The following NXN variants were observed in gnomAD, a reference collection of about 807,000 sequenced individuals.
NXN encodes nucleoredoxin 1.
A neutral mutation model predicts 48.6 loss-of-function variants in NXN; 16 were observed. The ratio of observed to expected loss-of-function variants is 0.33; its 90% CI spans 0.22 to 0.50. The LOEUF is 0.50. Among genes scored for constraint, NXN ranks in the 20% least tolerant of loss-of-function variants. NXN has a pLI of 0.98. For synonymous variants in NXN, 281 were observed against 269.6 expected, an observed-to-expected ratio of 1.04 and a Z score of -0.41; for missense variants, 492 against 605.5, an observed-to-expected ratio of 0.81 and a Z score of 1.97.
intron 1 of NXN, among the ~76,000 whole-genome samples, chr17:845,832 C>T (rs1435813457): frequency 2.0e-5 from 3 of 152,158 alleles, no homozygotes; most frequent in East Asian, 1.9e-4. Context: ...TTCGGGAGGC[C>T]GAGGAGGAGG....
Position 801,240 on chromosome 17 carries a change from C to A in NXN, c.1126-109G>T, listed in dbSNP as rs570710. The A allele has an allele frequency of 0.62, 481,714 of 782,936 alleles. 150,430 individuals are homozygous for A. Among genetic ancestry groups the A allele is most frequent in the East Asian group, 0.78 (23,124 of 29,716 alleles). 48.5% of individuals were successfully genotyped at this position (782,936 alleles called of 1,614,324 possible). A position where few individuals can be genotyped will look rare whatever the true frequency, so the allele number is the denominator to read the frequency against. ...TGGTAGCTCCCGCACCCTGAAGAGC[C>A]GGCGTTTCCCAAGCAGAGGGCTCCC... On this transcript the variant is annotated intron_variant, in intron 7 of 7. Coordinates refer to ENST00000336868, the MANE Select transcript of NXN (RefSeq NM_022463.5).
intron 1 of NXN, among the ~76,000 whole-genome samples, chr17:890,661 A>G (rs150538431): frequency 9.2e-5 from 14 of 152,154 alleles, no homozygotes; most frequent in Admixed American, 2.6e-4. Context: ...GATTACAGGC[A>G]TGAGCCACCG....
intron 5 of NXN, among the ~76,000 whole-genome samples, chr17:818,623 C>T (rs1295783892): frequency 2.0e-5 from 3 of 152,200 alleles, no homozygotes; most frequent in Admixed American, 1.3e-4. Context: ...CAGTGGCTCA[C>T]GCCTGTCATC....
chr17:837,784 G>A (rs906919443), intron 1 of NXN, among the ~76,000 whole-genome samples: 1 of 152,208 alleles, frequency 6.6e-6, no homozygotes, highest in Admixed American at 6.5e-5. Flanking sequence ...CAAGGGAAAG[G>A]GGCCGGGGGT....
chr17:946,847 C>A (rs1228421783), intron 1 of NXN, among the ~76,000 whole-genome samples: 1 of 152,196 alleles, frequency 6.6e-6, no homozygotes, highest in African/African-American at 2.4e-5. Context: ...TGAGGCAATG[C>A]CTAGAAGGTG....
rs145372012 is a variant in NXN, at chr17:841,002, C to T, written c.361-14924G>A. Among the ~76,000 whole-genome samples the T allele has an allele frequency of 1.3e-3, 201 of 152,256 alleles. 1 individual carries two copies. In the East Asian group the frequency reaches 0.019, roughly 14 times the overall value. On this transcript the variant is annotated intron_variant, in intron 1 of 7. Coordinates refer to ENST00000336868, the MANE Select transcript of NXN (RefSeq NM_022463.5). The stretch of plus-strand genomic sequence containing the variant: ...GAGGCAGAGTGTAGGGTGAGAGTGC[C>T]GGCACAGGAGCAGATGGCTTGGGTT...
At chr17:904,171 C>G (rs950655133) in intron 1 of NXN, among the ~76,000 whole-genome samples, 2 of 152,218 alleles carry the variant, frequency 1.3e-5, no homozygotes, top group African/African-American at 4.8e-5. Flanking sequence ...GTCGACTGCC[C>G]TAAGAGTTCT....
intron 1 of NXN, among the ~76,000 whole-genome samples, chr17:912,868 C>T (rs1267090159): frequency 6.6e-6 from 1 of 151,924 alleles, no homozygotes; most frequent in Non-Finnish European, 1.5e-5. Context: ...GCAGGAGAAT[C>T]GCTTGAACCC....
At position 855,210 on chromosome 17, in the gene NXN, T is replaced by C. The variant is rs148382784; in HGVS notation, c.361-29132A>G. On this transcript the variant is annotated intron_variant, in intron 1 of 7. Transcript: ENST00000336868. Reference sequence around the variant, plus strand: ...AGGATCACTTGAGCCTAGGAGTTTTTGAGGCTGCAGTGAGCTCTGATCACG... The same window carrying C: ...AGGATCACTTGAGCCTAGGAGTTTTCGAGGCTGCAGTGAGCTCTGATCACG... Among the ~76,000 whole-genome samples the C allele has an allele frequency of 3.3e-5, 5 of 152,238 alleles. No homozygotes were observed. The East Asian group carries it at 9.7e-4, about 29-fold the overall frequency.
intron 1 of NXN, among the ~76,000 whole-genome samples, chr17:973,431 G>GT (rs1464305222): frequency 1.3e-5 from 2 of 152,158 alleles, no homozygotes; most frequent in African/African-American, 4.8e-5. Flanking sequence ...TGCTTTGTGC[G>GT]TAATTTCTCT....
chr17:823,588 C>A (rs747886971), intron 3 of NXN, 44 bp downstream of exon 3: 25 of 1,610,388 alleles, frequency 1.6e-5, no homozygotes, highest in African/African-American at 2.7e-5. Context: ...CTGGGAACAT[C>A]ACTGCTTCCT....
At chr17:939,716 C>G (rs1359434754) in intron 1 of NXN, among the ~76,000 whole-genome samples, 1 of 152,192 alleles carries the variant, frequency 6.6e-6, no homozygotes, top group African/African-American at 2.4e-5. Flanking sequence ...TTGTGTAAGA[C>G]ACACACGTAC....
intron 5 of NXN, among the ~76,000 whole-genome samples, chr17:813,036 TGTGTGAGC>T (rs899391551): frequency 6.8e-4 from 98 of 145,170 alleles, no homozygotes; most frequent in Admixed American, 1.1e-3. Context: ...CGTGTGTGAA[TGTGTGAGC>T]GTGTGTGTGC....
At chr17:970,309 ATC>A (rs2069358687) in intron 1 of NXN, among the ~76,000 whole-genome samples, 1 of 152,024 alleles carries the variant, frequency 6.6e-6, no homozygotes, top group Non-Finnish European at 1.5e-5. Flanking sequence ...TAGTCCTAGG[ATC>A]TCGGCAGGAC....
chr17:805,327 CG>C, intron 5 of NXN, 80 bp from the exon 6 acceptor site: 2 of 1,457,158 alleles, frequency 1.4e-6, no homozygotes, highest in Non-Finnish European at 9.2e-7. Context: ...GGGTCCAGCC[CG>C]GGGTCCCCCC....
intron 1 of NXN, among the ~76,000 whole-genome samples, chr17:875,849 G>A (rs956047439): frequency 3.3e-5 from 5 of 151,926 alleles, no homozygotes; most frequent in Admixed American, 2.0e-4. Context: ...CTCCTGCCCC[G>A]GCCTCCCAAA....
chr17:816,997 G>A (rs1255870487), intron 5 of NXN, among the ~76,000 whole-genome samples: 1 of 152,114 alleles, frequency 6.6e-6, no homozygotes, highest in Non-Finnish European at 1.5e-5. Flanking sequence ...CTTTTCTTCT[G>A]GTCCACTAGG....
rs914161998 is a variant in NXN, at chr17:917,356, T to C, written c.360+61963A>G. Among the ~76,000 whole-genome samples the C allele has an allele frequency of 7.2e-5, 11 of 152,234 alleles. No homozygotes were observed. Among genetic ancestry groups the C allele is most frequent in the African/African-American group, 2.7e-4 (11 of 41,472 alleles). Reference sequence around the variant, plus strand: ...CGGGGTTTCACCATGTTGGCCAGGCTGGTCTCAATCTCTTGACCTCGTGAT... The same window carrying C: ...CGGGGTTTCACCATGTTGGCCAGGCCGGTCTCAATCTCTTGACCTCGTGAT... On this transcript the variant is annotated intron_variant, in intron 1 of 7. Transcript: ENST00000336868. The surrounding 1 kb of genome is among the most constrained non-coding windows in gnomAD (Gnocchi z 4.5).
chr17:843,014 A>AAGAG (rs1567829023), intron 1 of NXN, among the ~76,000 whole-genome samples: 1 of 83,938 alleles, frequency 1.2e-5, no homozygotes, highest in Non-Finnish European at 2.6e-5. Context: ...GAGAGAAAGA[A>AAGAG]AGAAAGAAAG....
Sources: allele counts gnomAD v4.1 joint callset (sites outside exome capture counted in the v4.1 genomes callset), GRCh38; gene constraint gnomAD v4.1.1; non-coding constraint Gnocchi (gnomAD v3.1); transcripts MANE v1.5; gene names NCBI Gene and HGNC (gene_info 2026-07-23, HGNC 2026-07-21).